DNAH7: variants seen among roughly 807,000 people sequenced by gnomAD.
DNAH7 encodes axonemal beta dynein heavy chain 7.
Under a neutral mutation model 444.6 loss-of-function variants are expected in DNAH7, and 397 were observed. The ratio of observed to expected loss-of-function variants is 0.89; its 90% CI spans 0.82 to 0.97. DNAH7 has a LOEUF of 0.97. Among genes scored for constraint, DNAH7 ranks in the 50% least tolerant of loss-of-function variants. The pLI, the probability that DNAH7 is intolerant of heterozygous loss-of-function variation, is 0.00. For synonymous variants in DNAH7, 1,636 were observed against 1,624.4 expected (o/e 1.01, Z -0.17); for missense variants, 4,902 against 4,800.8 (o/e 1.02, Z -0.62).
At chr2:195,820,227 T>A (rs958628721) in intron 49 of DNAH7, among the ~76,000 whole-genome samples, 8 of 151,880 alleles carry the variant, frequency 5.3e-5, no homozygotes, top group Admixed American at 5.2e-4. Flanking sequence ...TTCTCACTCG[T>A]AAGTGGGAGT....
At chr2:195,985,797 C>A (rs953492695) in intron 14 of DNAH7, among the ~76,000 whole-genome samples, 9 of 152,156 alleles carry the variant, frequency 5.9e-5, no homozygotes, top group African/African-American at 2.2e-4. Flanking sequence ...GACACTTTCA[C>A]TATTCTTCTA....
chr2:195,869,393 GAAAA>G (rs140554015), intron 40 of DNAH7, among the ~76,000 whole-genome samples: 9 of 147,222 alleles, frequency 6.1e-5, no homozygotes, highest in South Asian at 2.2e-4. Context: ...ACTGCAGTAA[GAAAA>G]AAAAAAGAGA....
chr2:195,950,508 T>A (rs1341227636), intron 19 of DNAH7, among the ~76,000 whole-genome samples: 1 of 152,076 alleles, frequency 6.6e-6, no homozygotes, highest in Non-Finnish European at 1.5e-5. Flanking sequence ...TCTTTTCTTC[T>A]TCATTAGTCT....
chr2:195,953,930 A>G (rs1251144707), intron 19 of DNAH7, among the ~76,000 whole-genome samples: 1 of 152,214 alleles, frequency 6.6e-6, no homozygotes, highest in Admixed American at 6.5e-5. Flanking sequence ...GTTTATTTTC[A>G]GCTCTTTGGA....
intron 12 of DNAH7, among the ~76,000 whole-genome samples, chr2:195,996,114 A>G (rs938513649): frequency 2.6e-5 from 4 of 152,184 alleles, no homozygotes; most frequent in African/African-American, 7.2e-5. Context: ...AATACACTAG[A>G]GTGCAATGTC....
At chr2:195,818,475 C>T (rs970980003) in intron 49 of DNAH7, among the ~76,000 whole-genome samples, 6 of 152,172 alleles carry the variant, frequency 3.9e-5, no homozygotes, top group African/African-American at 1.4e-4. Context: ...TCCACATCTC[C>T]TGTTTCTTTC....
intron 12 of DNAH7, among the ~76,000 whole-genome samples, chr2:195,998,252 A>T (rs546621182): frequency 2.3e-4 from 35 of 152,300 alleles, no homozygotes; most frequent in Non-Finnish European, 3.7e-4. Flanking sequence ...TAACTGTAAC[A>T]CTATAGCAAC....
At chr2:195,879,842 C>A (rs888320706) in intron 36 of DNAH7, among the ~76,000 whole-genome samples, 3 of 151,978 alleles carry the variant, frequency 2.0e-5, no homozygotes, top group Non-Finnish European at 1.5e-5. Flanking sequence ...TATTTGTTAA[C>A]AATTATTTTA....
intron 56 of DNAH7, among the ~76,000 whole-genome samples, chr2:195,796,199 TGAGAGTG>T (rs1696126708): frequency 6.6e-6 from 1 of 152,204 alleles, no homozygotes; most frequent in Non-Finnish European, 1.5e-5. Flanking sequence ...GCCTTTGAGT[TGAGAGTG>T]GCCACATGAA....
At chr2:195,740,632 TATATATATATATACATATACAC>T (rs1286411644) in intron 64 of DNAH7, 112 bp downstream of exon 64, 1,095 of 106,258 alleles carry the variant, frequency 0.01, 21 homozygotes, top group African/African-American at 0.049. Flanking sequence ...TATATATATA[TATATATATATATACATATACAC>T]ACACACATAT....
intron 64 of DNAH7, 116 bp downstream of exon 64, chr2:195,740,650 T>TATATATATACAC (rs1453163601): frequency 6.9e-5 from 5 of 72,192 alleles, no homozygotes; most frequent in African/African-American, 3.3e-4. Context: ...TATATACATA[T>TATATATATACAC]ACACACACAC....
chr2:195,738,382 C>T (rs1692783155), intron 64 of DNAH7, among the ~76,000 whole-genome samples: 1 of 151,596 alleles, frequency 6.6e-6, no homozygotes, highest in Non-Finnish European at 1.5e-5. Context: ...CCACAATTAC[C>T]TGGGAAATGA....
chr2:195,912,885 G>C (rs1047987040), intron 24 of DNAH7, among the ~76,000 whole-genome samples: 1 of 152,158 alleles, frequency 6.6e-6, no homozygotes, highest in Non-Finnish European at 1.5e-5. Flanking sequence ...CCAAATTCAG[G>C]CTCTCAGCCT....
At chr2:195,819,910 T>A (rs1697378304) in intron 49 of DNAH7, among the ~76,000 whole-genome samples, 1 of 152,136 alleles carries the variant, frequency 6.6e-6, no homozygotes, top group South Asian at 2.1e-4. Context: ...TGGTCTAGAG[T>A]GTGGCCTGAG....
intron 15 of DNAH7, among the ~76,000 whole-genome samples, chr2:195,975,481 G>T (rs1267533362): frequency 6.6e-6 from 1 of 152,158 alleles, no homozygotes; most frequent in Non-Finnish European, 1.5e-5. Flanking sequence ...TAAACAACTT[G>T]AAAGGCAGTC....
At chr2:195,874,938 C>A (rs570746619) in intron 38 of DNAH7, among the ~76,000 whole-genome samples, 4 of 152,200 alleles carry the variant, frequency 2.6e-5, no homozygotes, top group Admixed American at 1.3e-4. Flanking sequence ...GAGCAAATAC[C>A]GGAGAGATTC....
intron 43 of DNAH7, 63 bp downstream of exon 43, chr2:195,858,411 T>A (rs1203618357): frequency 2.2e-6 from 3 of 1,338,228 alleles, no homozygotes; most frequent in East Asian, 4.8e-5. Context: ...TAGAACACAA[T>A]GCTAATTTCT....
At chr2:195,779,652 A>G (rs62201475) in intron 58 of DNAH7, among the ~76,000 whole-genome samples, 13,842 of 152,026 alleles carry the variant, frequency 0.091, 695 homozygotes, top group African/African-American at 0.13. Context: ...TCTGTCACCC[A>G]GGCTGGAGTA....
chr2:195,882,221 G>A (rs1366689929), intron 35 of DNAH7, among the ~76,000 whole-genome samples: 2 of 152,124 alleles, frequency 1.3e-5, no homozygotes, highest in Non-Finnish European at 2.9e-5. Context: ...GTGGTTTTTT[G>A]ATGCTCTGAA....
Sources: gnomAD v4.1 joint callset for allele counts (sites outside exome capture counted in the v4.1 genomes callset) on GRCh38, gnomAD v4.1.1 for gene constraint, MANE v1.5 for transcripts, NCBI Gene and HGNC (gene_info 2026-07-23, HGNC 2026-07-21) for gene names.